The following MYO5C variants were observed in gnomAD, a reference collection of about 807,000 sequenced individuals.
MYO5C encodes the protein unconventional myosin-Vc.
A neutral mutation model predicts 235.7 loss-of-function variants in MYO5C; 194 were observed. That is an observed-to-expected ratio of 0.82 (90% confidence interval 0.73 to 0.93). The LOEUF is 0.93. Ranked by LOEUF, MYO5C falls within the 40% of genes least tolerant of loss-of-function variation. The pLI is 0.00. For synonymous variants in MYO5C, 707 were observed against 754.8 expected, an observed-to-expected ratio of 0.94 and a Z score of 1.04; for missense variants, 2,038 against 2,127.2, an observed-to-expected ratio of 0.96 and a Z score of 0.82.
At chr15:52,219,862 T>C (rs762419226) in intron 30 of MYO5C, 40 bp from the exon 31 acceptor site, 1 of 1,460,942 alleles carries the variant, frequency 6.8e-7, no homozygotes, top group Non-Finnish European at 9.6e-7. Context: ...GGGGGGCACA[T>C]ATCACTGCAT....
intron 34 of MYO5C, 52 bp from the exon 35 acceptor site, chr15:52,211,936 C>T: frequency 6.3e-7 from 1 of 1,582,734 alleles, no homozygotes; most frequent in African/African-American, 1.3e-5. Context: ...AGCTCTTCTC[C>T]TAAGGAACTT....
chr15:52,265,544 T>TG (rs2036789508), intron 8 of MYO5C, among the ~76,000 whole-genome samples: 1 of 81,386 alleles, frequency 1.2e-5, no homozygotes, highest in Admixed American at 1.2e-4. Flanking sequence ...CAGTTTTTTG[T>TG]TTTTTTTTTT....
At chr15:52,216,931 A>G (rs1419128028) in intron 32 of MYO5C, among the ~76,000 whole-genome samples, 1 of 152,210 alleles carries the variant, frequency 6.6e-6, no homozygotes, top group African/African-American at 2.4e-5. Flanking sequence ...AAACCAAGGA[A>G]TGCCTGGAGC....
chr15:52,238,315 T>C (rs779214024), intron 21 of MYO5C, among the ~76,000 whole-genome samples: 3 of 152,192 alleles, frequency 2.0e-5, no homozygotes, highest in African/African-American at 4.8e-5. Context: ...TCAGGCAGCG[T>C]TGGGACTCCC....
chr15:52,292,036 G>A (rs2037406709), intron 1 of MYO5C, among the ~76,000 whole-genome samples: 1 of 152,232 alleles, frequency 6.6e-6, no homozygotes, highest in African/African-American at 2.4e-5. Flanking sequence ...ACCGCACCCG[G>A]CCGCATATTT....
intron 29 of MYO5C, among the ~76,000 whole-genome samples, chr15:52,222,160 C>G (rs1322160342): frequency 6.6e-6 from 1 of 152,174 alleles, no homozygotes; most frequent in African/African-American, 2.4e-5. Flanking sequence ...TATGCATTTT[C>G]AACTTACAAT....
At chr15:52,295,163 C>T (rs1450024659) in intron 1 of MYO5C, among the ~76,000 whole-genome samples, 1 of 152,186 alleles carries the variant, frequency 6.6e-6, no homozygotes, top group Non-Finnish European at 1.5e-5. Flanking sequence ...TGGCCGGCGT[C>T]TCAGCTTCCT....
In MYO5C at chr15:52,233,297, A is replaced by AT. The variant is rs1435007230; in HGVS notation, c.2963-613dup. On this transcript the variant is annotated intron_variant, in intron 23 of 40. Transcript: ENST00000261839. ...CCGTCTCAAAAAAAAAAAAAAAAAA[A>AT]TTAAAAAAAAAAAAAAATAAATAAA... is the stretch of plus-strand genomic sequence containing the variant. Among the ~76,000 whole-genome samples the AT allele has an allele frequency of 7.4e-4, 9 of 12,088 alleles. 2 individuals are homozygous for AT. In the South Asian group the frequency reaches 0.013, roughly 17 times the overall value. 7.9% of individuals were successfully genotyped at this position (12,088 alleles called of 152,430 possible). A position where few individuals can be genotyped will look rare whatever the true frequency, so the allele number is the denominator to read the frequency against.
intron 31 of MYO5C, among the ~76,000 whole-genome samples, chr15:52,219,059 A>G (rs1400638437): frequency 6.6e-6 from 1 of 152,254 alleles, no homozygotes; most frequent in Non-Finnish European, 1.5e-5. Context: ...GGGATCAGAC[A>G]GAAGAGAGGA....
At chr15:52,265,485 G>A (rs1381324540) in intron 8 of MYO5C, among the ~76,000 whole-genome samples, 1 of 152,024 alleles carries the variant, frequency 6.6e-6, no homozygotes, top group African/African-American at 2.4e-5. Context: ...AGGATACCTG[G>A]AGTTTCCATT....
intron 30 of MYO5C, among the ~76,000 whole-genome samples, chr15:52,220,664 C>CAAAA (rs34771845): frequency 9.1e-5 from 13 of 142,686 alleles, no homozygotes; most frequent in African/African-American, 2.6e-4. Flanking sequence ...ACTAAAAATA[C>CAAAA]AAAAAAAAAA....
At chr15:52,206,994 A>G (rs1268209141) in intron 36 of MYO5C, among the ~76,000 whole-genome samples, 1 of 152,058 alleles carries the variant, frequency 6.6e-6, no homozygotes, top group African/African-American at 2.4e-5. Flanking sequence ...TTAACCGGGC[A>G]TGGTGGCGCA....
chr15:52,266,657 G>A (rs1249221273), intron 8 of MYO5C, among the ~76,000 whole-genome samples: 1 of 152,150 alleles, frequency 6.6e-6, no homozygotes, highest in Non-Finnish European at 1.5e-5. Flanking sequence ...GAAGGTTAGG[G>A]AACTCACCCG....
chr15:52,263,695 C>A (rs1410220190), intron 9 of MYO5C, among the ~76,000 whole-genome samples: 2 of 152,192 alleles, frequency 1.3e-5, no homozygotes, highest in East Asian at 3.8e-4. Context: ...TCATCCCCTG[C>A]AGGCTGCCAC....
At chr15:52,232,192 G>GAA (rs2035968871) in intron 24 of MYO5C, among the ~76,000 whole-genome samples, 1 of 51,446 alleles carries the variant, frequency 1.9e-5, no homozygotes, top group African/African-American at 8.1e-5. Context: ...GGGAGGAAGG[G>GAA]AGGAAGGAAG....
intron 24 of MYO5C, among the ~76,000 whole-genome samples, chr15:52,232,150 A>G (rs1030924721): frequency 1.8e-5 from 1 of 55,180 alleles, no homozygotes; most frequent in African/African-American, 3.5e-5. Context: ...AGAGGAAGGA[A>G]AGGAAGGAAA....
At chr15:52,213,365 C>G in intron 33 of MYO5C, 79 bp from the exon 34 acceptor site, 1 of 1,020,478 alleles carries the variant, frequency 9.8e-7, no homozygotes, top group Middle Eastern at 2.0e-4. Context: ...CTCTCCTACC[C>G]CATTCTGGCT....
At chr15:52,222,803 G>A (rs917223259) in intron 29 of MYO5C, among the ~76,000 whole-genome samples, 2 of 152,170 alleles carry the variant, frequency 1.3e-5, no homozygotes, top group Non-Finnish European at 2.9e-5. Context: ...GGCATGAGTT[G>A]GAAGAAAGAA....
At chr15:52,292,173 C>T (rs960777892) in intron 1 of MYO5C, among the ~76,000 whole-genome samples, 6 of 152,112 alleles carry the variant, frequency 3.9e-5, no homozygotes, top group African/African-American at 1.2e-4. Context: ...TGTGAATCTT[C>T]CATAATTTAC....
Sources: gnomAD v4.1 joint callset for allele counts (sites outside exome capture counted in the v4.1 genomes callset) on GRCh38, gnomAD v4.1.1 for gene constraint, MANE v1.5 for transcripts, NCBI Gene and HGNC (gene_info 2026-07-23, HGNC 2026-07-21) for gene names.